The following ABTB2 variants were observed in gnomAD, a reference collection of about 807,000 sequenced individuals.
ABTB2 encodes the protein ankyrin repeat and BTB/POZ domain-containing protein 2.
Under a neutral mutation model 104.1 loss-of-function variants are expected in ABTB2, and 56 were observed. The observed-to-expected ratio is 0.54, with a 90% CI of 0.43 to 0.67. ABTB2 has a LOEUF of 0.67. Ranked by LOEUF, ABTB2 falls within the 30% of genes least tolerant of loss-of-function variation. The pLI, the probability that ABTB2 is intolerant of heterozygous loss-of-function variation, is 0.00. For missense variants in ABTB2, 1,279 were observed against 1,407.7 expected (o/e 0.91, Z 1.46); for synonymous variants, 606 against 608.2 (o/e 1.00, Z 0.05).
intron 1 of ABTB2, among the ~76,000 whole-genome samples, chr11:34,319,605 G>A (rs1005385142): frequency 3.9e-5 from 6 of 152,200 alleles, no homozygotes; most frequent in African/African-American, 1.2e-4. Flanking sequence ...TGTGTGGTAA[G>A]TTATTTAACC....
At chr11:34,249,978 A>G (rs1449519037) in intron 1 of ABTB2, among the ~76,000 whole-genome samples, 1 of 152,228 alleles carries the variant, frequency 6.6e-6, no homozygotes, top group Non-Finnish European at 1.5e-5. Flanking sequence ...CTCAGTGACT[A>G]TAAAAGCATC....
intron 14 of ABTB2, among the ~76,000 whole-genome samples, chr11:34,159,079 G>C (rs1294285496): frequency 6.6e-6 from 1 of 152,248 alleles, no homozygotes; most frequent in Non-Finnish European, 1.5e-5. Context: ...CCAGCGGTTA[G>C]AGCTCAGGAC....
In ABTB2 at chr11:34,151,275, G is replaced by A. The variant is rs1852534165; in HGVS notation, c.*1112C>T. ...AAGAAGTTGCACCCAGACAGACTGT[G>A]CCTGATGCTGCCCCAGTGTCTGGTC... On this transcript the variant is annotated 3_prime_UTR_variant, in exon 17 of 17. Transcript: ENST00000435224. 1 of 152,284 alleles carries A rather than the reference G, an allele frequency of 6.6e-6. No homozygotes were observed. Among genetic ancestry groups the A allele is most frequent in the African/African-American group, 2.4e-5 (1 of 41,460 alleles). The allele number at this position is 152,284 out of a possible 1,614,324, so 9.4% of individuals were successfully genotyped here. A position where few individuals can be genotyped will look rare whatever the true frequency, so the allele number is the denominator to read the frequency against.
At chr11:34,220,273 T>C (rs903206973) in intron 1 of ABTB2, among the ~76,000 whole-genome samples, 3 of 152,172 alleles carry the variant, frequency 2.0e-5, no homozygotes, top group Non-Finnish European at 4.4e-5. Flanking sequence ...CCCAGCTCCA[T>C]TCCTTCTCCT....
rs112346704 is a variant in ABTB2, at chr11:34,277,801, T to C, written c.884-73111A>G. Among the ~76,000 whole-genome samples, 578 of 72,456 alleles carry C rather than the reference T, an allele frequency of 8.0e-3. 14 individuals carry two copies. Among genetic ancestry groups the C allele is most frequent in the Non-Finnish European group, 8.7e-3 (347 of 39,740 alleles). 47.5% of individuals were successfully genotyped at this position (72,456 alleles called of 152,430 possible). On this transcript the variant is annotated intron_variant, in intron 1 of 16. Transcript: ENST00000435224. The stretch of plus-strand genomic sequence containing the variant: ...AATGAAACAAAACAACAGATTCTCT[T>C]TTTTTTTTTTTTTTTTTTTTGAGAT...
At chr11:34,320,083 G>C (rs1854983157) in intron 1 of ABTB2, among the ~76,000 whole-genome samples, 1 of 152,168 alleles carries the variant, frequency 6.6e-6, no homozygotes, top group African/African-American at 2.4e-5. Context: ...AAATGAGCTA[G>C]TGAGTATAAA....
At chr11:34,335,906 G>T (rs1026986181) in intron 1 of ABTB2, 18 of 751,308 alleles carry the variant, frequency 2.4e-5, no homozygotes, top group African/African-American at 5.3e-5. Context: ...CAATCCTGCG[G>T]TTGAAAAGGC....
intron 1 of ABTB2, among the ~76,000 whole-genome samples, chr11:34,278,256 G>A (rs1854409282): frequency 6.6e-6 from 1 of 152,102 alleles, no homozygotes; most frequent in Non-Finnish European, 1.5e-5. Context: ...TTTCTTCAGT[G>A]TTTTTCCTAG....
intron 1 of ABTB2, among the ~76,000 whole-genome samples, chr11:34,353,914 G>A (rs561609658): frequency 6.6e-6 from 1 of 152,316 alleles, no homozygotes; most frequent in South Asian, 2.1e-4. Context: ...TTACCTTGCT[G>A]GCCTTGGGGT....
intron 1 of ABTB2, among the ~76,000 whole-genome samples, chr11:34,277,572 T>A (rs1480319377): frequency 6.6e-6 from 1 of 150,720 alleles, no homozygotes; most frequent in Non-Finnish European, 1.5e-5. Context: ...TCACTTGAGG[T>A]CAGGAGTTCC....
Position 34,210,945 on chromosome 11 carries a change from A to T in ABTB2, c.884-6255T>A, listed in dbSNP as rs192011878. ...CCAGATAAGCCAACCCCTTTTTAAA[A>T]TTTTTTTATTTTTAAGTGTTTCCAT... is the stretch of plus-strand genomic sequence containing the variant. On this transcript the variant is annotated intron_variant, in intron 1 of 16. Transcript: ENST00000435224. Among the ~76,000 whole-genome samples, 581 of 152,162 alleles carry T rather than the reference A, an allele frequency of 3.8e-3. 1 individual carries two copies. Among genetic ancestry groups the T allele is most frequent in the African/African-American group, 0.013 (558 of 41,492 alleles).
At chr11:34,312,197 G>A (rs1450206368) in intron 1 of ABTB2, among the ~76,000 whole-genome samples, 1 of 152,104 alleles carries the variant, frequency 6.6e-6, no homozygotes, top group East Asian at 1.9e-4. Flanking sequence ...GAACAAGCAG[G>A]TGGTTCTGCC....
intron 1 of ABTB2, among the ~76,000 whole-genome samples, chr11:34,333,096 C>A (rs1422273519): frequency 6.6e-6 from 1 of 152,200 alleles, no homozygotes; most frequent in Admixed American, 6.5e-5. Context: ...CCTAATCCAA[C>A]CCTATAGCAC....
At chr11:34,176,662 A>C (rs772497190) in intron 3 of ABTB2, among the ~76,000 whole-genome samples, 1 of 152,240 alleles carries the variant, frequency 6.6e-6, no homozygotes, top group African/African-American at 2.4e-5. Context: ...ACAAACAAAC[A>C]AAATTATTAG....
intron 1 of ABTB2, among the ~76,000 whole-genome samples, chr11:34,243,553 A>G (rs1418358708): frequency 6.6e-6 from 1 of 152,218 alleles, no homozygotes; most frequent in Non-Finnish European, 1.5e-5. Flanking sequence ...ATCCCACTTG[A>G]TATCACCTTT....
intron 1 of ABTB2, among the ~76,000 whole-genome samples, chr11:34,265,308 G>C (rs1749040233): frequency 6.6e-6 from 1 of 152,154 alleles, no homozygotes; most frequent in Non-Finnish European, 1.5e-5. Flanking sequence ...ACCCTCAATG[G>C]GGTGAGTACC....
chr11:34,331,831 G>C (rs1855134077), intron 1 of ABTB2, among the ~76,000 whole-genome samples: 1 of 152,220 alleles, frequency 6.6e-6, no homozygotes, highest in Admixed American at 6.5e-5. Context: ...CCCCAGCTTT[G>C]CTGCTAGCAA....
rs200863999 is a variant in ABTB2 at position 34,158,419 on chromosome 11, C to CA, written c.2697+876dup. Among the ~76,000 whole-genome samples, 217 of 151,578 alleles carry CA rather than the reference C, an allele frequency of 1.4e-3. 1 individual carries two copies. The East Asian group carries it at 0.024, about 17-fold the overall frequency. ...CAGTGAGACTCCGTGTCAAAAAAAACAAAAAAAAGCCATTTTAGAGGTGGC... is the reference window on the plus strand; with the variant it reads ...CAGTGAGACTCCGTGTCAAAAAAAACAAAAAAAAAGCCATTTTAGAGGTGGC... On this transcript the variant is annotated intron_variant, in intron 14 of 16. Transcript: ENST00000435224.
chr11:34,270,138 C>T (rs926783288), intron 1 of ABTB2, among the ~76,000 whole-genome samples: 1 of 152,132 alleles, frequency 6.6e-6, no homozygotes, highest in Non-Finnish European at 1.5e-5. Context: ...CCCAATGGCT[C>T]TTTCAGAAAT....
Sources: allele counts gnomAD v4.1 joint callset (sites outside exome capture counted in the v4.1 genomes callset), GRCh38; gene constraint gnomAD v4.1.1; transcripts MANE v1.5; gene names NCBI Gene and HGNC (gene_info 2026-07-23, HGNC 2026-07-21).